TRIM66: variants seen among roughly 807,000 people sequenced by gnomAD.
The protein encoded by TRIM66 is tripartite motif-containing protein 66.
In TRIM66, 99 loss-of-function variants were observed where a neutral mutation model predicts 148.2. The observed-to-expected ratio is 0.67, with a 90% confidence interval of 0.57 to 0.79. The LOEUF is 0.79. Ranked by LOEUF, TRIM66 falls within the 30% of genes least tolerant of loss-of-function variation. The pLI, the probability that TRIM66 is intolerant of heterozygous loss-of-function variation, is 0.00. For synonymous variants in TRIM66, 616 were observed against 635.9 expected, an observed-to-expected ratio of 0.97 and a Z score of 0.47; for missense variants, 1,666 against 1,697.9, an observed-to-expected ratio of 0.98 and a Z score of 0.33.
chr11:8,640,824 C>T lies in TRIM66; in HGVS notation c.1551G>A (p.Glu517=), dbSNP rs774087135. The part of the protein sequence containing the change: ...QCSALLPREK[E]LACSPHPPKL... Reference sequence around the variant, plus strand: ...TTGGTGGATGAGGGCTGCAGGCCAGCTCTTTCTCCCTGGGCAGCAGGGCAG... The same window carrying T: ...TTGGTGGATGAGGGCTGCAGGCCAGTTCTTTCTCCCTGGGCAGCAGGGCAG... The change falls in exon 14 of 25, where the codon GAG becomes GAA. Residue 517 remains glutamate, a synonymous_variant. Transcript: ENST00000646038. 1 of 1,550,588 alleles carries T rather than the reference C, an allele frequency of 6.4e-7. No homozygotes were observed. Among genetic ancestry groups the T allele is most frequent in the South Asian group, 1.2e-5 (1 of 84,006 alleles).
chr11:8,666,870 C>T (rs796301493), intron 6 of TRIM66, among the ~76,000 whole-genome samples: 12 of 152,248 alleles, frequency 7.9e-5, no homozygotes, highest in African/African-American at 2.2e-4. Context: ...AGTGCAGTGG[C>T]GCGATCTCAG....
intron 6 of TRIM66, among the ~76,000 whole-genome samples, chr11:8,652,535 T>C (rs1230036080): frequency 6.6e-6 from 1 of 152,200 alleles, no homozygotes; most frequent in Admixed American, 6.5e-5. Context: ...ATGTATATTT[T>C]ACCTATGAAC....
At chr11:8,676,230 ACTT>A (rs1010341301) in intron 3 of TRIM66, among the ~76,000 whole-genome samples, 5 of 152,124 alleles carry the variant, frequency 3.3e-5, no homozygotes, top group South Asian at 2.1e-4. Flanking sequence ...CTTAAGGTAA[ACTT>A]CTTTTTTTTT....
chr11:8,643,901 G>A (rs149715951), intron 12 of TRIM66, among the ~76,000 whole-genome samples: 13 of 152,132 alleles, frequency 8.5e-5, no homozygotes, highest in Non-Finnish European at 1.9e-4. Flanking sequence ...CAGGGCTTTG[G>A]CAAGTGTCCA....
In TRIM66 at chr11:8,652,186, A is replaced by C. The variant is rs139841028; in HGVS notation, c.341-283T>G. ...CATAAACCATGCTACTACAGGCCCA[A>C]CGCTGCTTTGGTTCTGACAATCAGG... On this transcript the variant is annotated intron_variant, in intron 6 of 24. Coordinates refer to ENST00000646038, the MANE Select transcript of TRIM66 (RefSeq NM_001388022.1). 3.3e-5 allele frequency among the ~76,000 whole-genome samples: 5 copies of C among 151,932 alleles called. No homozygotes were observed. The East Asian group carries it at 9.7e-4, about 29-fold the overall frequency.
intron 12 of TRIM66, among the ~76,000 whole-genome samples, chr11:8,644,784 T>C (rs2036705158): frequency 6.6e-6 from 1 of 152,242 alleles, no homozygotes. Context: ...CCACCCATCC[T>C]CAGTCTCCTC....
chr11:8,621,393 C>G (rs1592004998), intron 19 of TRIM66, 72 bp from the exon 20 acceptor site: 1 of 1,480,100 alleles, frequency 6.8e-7, no homozygotes, highest in East Asian at 2.5e-5. Context: ...GAGGGAGAGA[C>G]TGGCAGGCCC....
chr11:8,627,756 C>G (rs2034992793), intron 15 of TRIM66, among the ~76,000 whole-genome samples: 1 of 152,206 alleles, frequency 6.6e-6, no homozygotes, highest in Non-Finnish European at 1.5e-5. Flanking sequence ...ATAGACCTTG[C>G]TAAAGTCACT....
chr11:8,621,399 G>A, intron 19 of TRIM66, 78 bp from the exon 20 acceptor site: 1 of 1,467,808 alleles, frequency 6.8e-7, no homozygotes, highest in Non-Finnish European at 9.0e-7. Context: ...GAGACTGGCA[G>A]GCCCTGCATG....
rs556168275 is a variant in TRIM66, at chr11:8,621,089, C to T, written c.3488G>A (p.Arg1163His). ...LNGGELLCCD[R>H]CPKVFHLSCH... ...GGAGAGGTGGAACACTTTGGGGCAGCGGTCACAGCACAGTAACTCTCCGCC... is the reference window on the plus strand; with the variant it reads ...GGAGAGGTGGAACACTTTGGGGCAGTGGTCACAGCACAGTAACTCTCCGCC... Residue 1163 changes from arginine (R) to histidine (H), a missense_variant, in exon 20 of 25, where the codon CGC becomes CAC. Arg to His is a conservative substitution (Grantham distance 29, BLOSUM62 0). This residue lies in a region of TRIM66 where 1,431 missense variants were observed against 1,412.4 expected (regional missense o/e 1.01). Coordinates refer to ENST00000646038, the MANE Select transcript of TRIM66 (RefSeq NM_001388022.1). 6.6e-5 allele frequency: 103 copies of T among 1,551,564 alleles called. No individual in the cohort carries two copies. Among genetic ancestry groups the T allele is most frequent in the Non-Finnish European group, 8.4e-5 (96 of 1,146,988 alleles).
chr11:8,619,632 A>C, intron 22 of TRIM66, 97 bp from the exon 23 acceptor site: 2 of 1,192,644 alleles, frequency 1.7e-6, no homozygotes, highest in Non-Finnish European at 1.1e-6. Flanking sequence ...ATGAGGTGAA[A>C]TATAAGTGAA....
intron 15 of TRIM66, among the ~76,000 whole-genome samples, chr11:8,630,273 T>C (rs1464967144): frequency 1.3e-5 from 2 of 152,156 alleles, no homozygotes; most frequent in African/African-American, 2.4e-5. Flanking sequence ...GTGCCACCCA[T>C]GCAGAAGGGA....
chr11:8,654,309 C>T (rs2037625651), intron 6 of TRIM66: 1 of 152,228 alleles, frequency 6.6e-6, no homozygotes, highest in African/African-American at 2.4e-5. Flanking sequence ...AACATCTCTG[C>T]TATCTCTTGA....
In TRIM66 at chr11:8,620,121, A is replaced by C; in HGVS notation, c.3676T>G (p.Cys1226Gly). The change falls in exon 22 of 25, where the codon TGT becomes GGT. Residue 1226 changes from cysteine (C) to glycine (G), a missense_variant. Transcript: ENST00000646038. ...PGLSMYDQKK[C>G]EKLVLSLCCN... The stretch of plus-strand genomic sequence containing the variant: ...CACAAGGACAATACCAGCTTCTCAC[A>C]CTTCTGCAAAATCAGAATTGGCAAC... 3.9e-6 allele frequency: 6 copies of C among 1,551,692 alleles called. No homozygotes were observed. Among genetic ancestry groups the C allele is most frequent in the Non-Finnish European group, 5.2e-6 (6 of 1,146,946 alleles).
At chr11:8,658,176 G>A (rs908303968) in intron 6 of TRIM66, among the ~76,000 whole-genome samples, 17 of 152,226 alleles carry the variant, frequency 1.1e-4, no homozygotes, top group Non-Finnish European at 2.9e-5. Context: ...GCAAGAAAGA[G>A]CTTGGTTGAC....
In TRIM66 at chr11:8,624,724, C is replaced by T. The variant is rs761299080; in HGVS notation, c.2815G>A (p.Ala939Thr). The T allele has an allele frequency of 1.3e-6, 2 of 1,522,586 alleles. No individual in the cohort carries two copies. 94.3% of individuals were successfully genotyped at this position (1,522,586 alleles called of 1,614,324 possible). A position where few individuals can be genotyped will look rare whatever the true frequency, so the allele number is the denominator to read the frequency against. The stretch of plus-strand genomic sequence containing the variant: ...TCCCCAGGACTTACCTTACACAGAG[C>T]ATTCTCCAGGGAGGGATCAGCCCCA... ...RDGADPSLEN[A>T]LCKMESEDST... Residue 939 changes from alanine (A) to threonine (T), a missense_variant, in exon 16 of 25, where the codon GCT (alanine) becomes ACT (threonine). This residue lies in a region of TRIM66 where 1,431 missense variants were observed against 1,412.4 expected (regional missense o/e 1.01). Coordinates refer to ENST00000646038, the MANE Select transcript of TRIM66 (RefSeq NM_001388022.1).
At chr11:8,677,557 C>G (rs1333804318) in intron 3 of TRIM66, among the ~76,000 whole-genome samples, 2 of 151,592 alleles carry the variant, frequency 1.3e-5, no homozygotes, top group South Asian at 4.2e-4. Context: ...GGTAGGAGGG[C>G]TGCTTGAGGC....
intron 3 of TRIM66, among the ~76,000 whole-genome samples, chr11:8,678,639 T>G (rs1400584045): frequency 6.6e-6 from 1 of 152,246 alleles, no homozygotes; most frequent in Non-Finnish European, 1.5e-5. Flanking sequence ...AATTCTCACT[T>G]GGAAAAAAAG....
At chr11:8,644,748 T>C (rs1295801149) in intron 12 of TRIM66, among the ~76,000 whole-genome samples, 1 of 152,196 alleles carries the variant, frequency 6.6e-6, no homozygotes, top group East Asian at 1.9e-4. Flanking sequence ...ATTTTTCTTC[T>C]TTTCACTTCT....
Sources: gnomAD v4.1 joint callset for allele counts (sites outside exome capture counted in the v4.1 genomes callset) on GRCh38, gnomAD v4.1.1 for gene constraint, gnomAD v4.1.1 regional missense constraint, MANE v1.5 for transcripts, NCBI Gene and HGNC (gene_info 2026-07-23, HGNC 2026-07-21) for gene names.